The following UBR2 variants were observed in gnomAD, a reference collection of about 807,000 sequenced individuals.
UBR2 encodes the protein ubiquitin protein ligase E3 component n-recognin 2, also known as E3 ubiquitin-protein ligase UBR2.
A neutral mutation model predicts 247.9 loss-of-function variants in UBR2; 92 were observed. The ratio of observed to expected loss-of-function variants is 0.37; its 90% CI spans 0.31 to 0.44. The LOEUF (loss-of-function observed/expected upper bound fraction) is 0.44. Among genes scored for constraint, UBR2 ranks in the 20% least tolerant of loss-of-function variants. The pLI, the probability that UBR2 is intolerant of heterozygous loss-of-function variation, is 1.00. For synonymous variants in UBR2, 672 were observed against 693.5 expected (o/e 0.97, Z 0.49); for missense variants, 1,613 against 2,112.6 (o/e 0.76, Z 4.64).
chr6:42,632,844 G>A lies in UBR2; in HGVS notation c.1485G>A (p.Glu495=). 4 of 1,606,768 alleles carry A rather than the reference G, an allele frequency of 2.5e-6. No individual in the cohort carries two copies. The highest frequency in any genetic ancestry group is 3.4e-6 in the Non-Finnish European group (4 of 1,178,084). The change falls in exon 13 of 47, where the codon GAG becomes GAA. Residue 495 remains glutamate (E), a synonymous_variant. Coordinates refer to ENST00000372901, the MANE Select transcript of UBR2 (RefSeq NM_001363705.2). ...GCAAACCAACTGAATGGTCAGATGA[G>A]CTGAGGCAGAAGTTCCTAGAAGGGT... ...LISKPTEWSD[E]LRQKFLEGFD... is the part of the protein sequence containing the mutation.
intron 11 of UBR2, among the ~76,000 whole-genome samples, chr6:42,630,655 GCCT>G (rs1400451737): frequency 1.3e-5 from 2 of 152,078 alleles, no homozygotes; most frequent in Admixed American, 1.3e-4. Context: ...TCCTCTTACT[GCCT>G]GCTTTAAGTC....
chr6:42,666,117 A>G lies in UBR2; in HGVS notation c.3803-50A>G, dbSNP rs751731384. The G allele has an allele frequency of 3.4e-6, 5 of 1,491,652 alleles. No homozygotes were observed. In the South Asian group the frequency reaches 6.2e-5, roughly 18 times the overall value. 92.4% of individuals were successfully genotyped at this position (1,491,652 alleles called of 1,614,324 possible). A position where few individuals can be genotyped will look rare whatever the true frequency, so the allele number is the denominator to read the frequency against. On this transcript the variant is annotated intron_variant, in intron 33 of 46. Transcript: ENST00000372901. Reference sequence around the variant, plus strand: ...CTTTGACCTATATGGCTGTACTTTTAGGAATATTGTCATCTATTGAATAAT... The same window carrying G: ...CTTTGACCTATATGGCTGTACTTTTGGGAATATTGTCATCTATTGAATAAT...
At chr6:42,641,541 G>GTT in intron 16 of UBR2, 41 bp from the exon 17 acceptor site, 1 of 1,483,054 alleles carries the variant, frequency 6.7e-7, no homozygotes, top group Non-Finnish European at 9.2e-7. Flanking sequence ...TTATGTGTGT[G>GTT]TTTTTTTTGT....
At chr6:42,616,231 C>A (rs1207953756) in intron 10 of UBR2, 141 bp downstream of exon 10, 6 of 554,124 alleles carry the variant, frequency 1.1e-5, no homozygotes, top group Non-Finnish European at 1.8e-5. Context: ...CATAAATAAT[C>A]TTTTCATTCT....
chr6:42,606,749 G>A, intron 7 of UBR2, 98 bp downstream of exon 7: 1 of 984,078 alleles, frequency 1.0e-6, no homozygotes, highest in African/African-American at 1.7e-5. Context: ...TTTCTCAAAT[G>A]AAAACCAAAA....
At position 42,683,093 on chromosome 6, in the gene UBR2, G is replaced by A. The variant is rs761438122; in HGVS notation, c.4757G>A (p.Gly1586Asp). The A allele has an allele frequency of 6.2e-7, 1 of 1,612,700 alleles. No homozygotes were observed. Among genetic ancestry groups the A allele is most frequent in the Non-Finnish European group, 8.5e-7 (1 of 1,179,474 alleles). The change falls in exon 43 of 47, where the codon GGT becomes GAT. Residue 1586 changes from glycine (G) to aspartate (D), a missense_variant. Around this residue, in one of 3 missense-constraint regions of UBR2, gnomAD observed 1,524 missense variants for 1,967.3 expected, o/e 0.77. Coordinates refer to ENST00000372901, the MANE Select transcript of UBR2 (RefSeq NM_001363705.2). The stretch of plus-strand genomic sequence containing the variant: ...AGTGAAGTTAAAAGATATCTAGAAG[G>A]TGAAAGAGATGCTATAAGGTAAGTT... ...RNSEVKRYLEGERDAIRYPRE... is the reference protein window; with the variant it reads ...RNSEVKRYLEDERDAIRYPRE...
In UBR2 at chr6:42,683,040, CT is replaced by C; in HGVS notation, c.4719-14del. ...AAAAGTGTTTTGTGTTTTTCCCCCT[CT>C]GTTTACATTAAAGTTGGTGCCGTAA... is the stretch of plus-strand genomic sequence containing the variant. On this transcript the variant is annotated splice_polypyrimidine_tract_variant and intron_variant, in intron 42 of 46. Transcript: ENST00000372901. 3 of 1,609,574 alleles carry C rather than the reference CT, an allele frequency of 1.9e-6. No homozygotes were observed. Among genetic ancestry groups the C allele is most frequent in the Non-Finnish European group, 2.5e-6 (3 of 1,178,220 alleles).
intron 26 of UBR2, among the ~76,000 whole-genome samples, chr6:42,655,975 TAAAAA>T (rs995934105): frequency 6.6e-6 from 1 of 151,308 alleles, no homozygotes; most frequent in African/African-American, 2.4e-5. Context: ...GTATTGAAAA[TAAAAA>T]AAAATTATAG....
Position 42,610,560 on chromosome 6 carries a change from T to C in UBR2, c.865-1611T>C, listed in dbSNP as rs114471240. Among the ~76,000 whole-genome samples, 1,236 of 152,308 alleles carry C rather than the reference T, an allele frequency of 8.1e-3. 13 individuals carry two copies. Among genetic ancestry groups the C allele is most frequent in the African/African-American group, 0.029 (1,199 of 41,556 alleles). On this transcript the variant is annotated intron_variant, in intron 7 of 46. Transcript: ENST00000372901. ...ACATGAATGGATCTTGAGAACATTA[T>C]GCTAAGTGAAATAAGCCGGTAACAA...
chr6:42,601,555 G>A (rs1793357655), intron 4 of UBR2, among the ~76,000 whole-genome samples: 1 of 151,896 alleles, frequency 6.6e-6, no homozygotes, highest in African/African-American at 2.4e-5. Context: ...AGGCATGGTG[G>A]CACATGCCTG....
intron 11 of UBR2, among the ~76,000 whole-genome samples, chr6:42,624,401 C>T (rs1335690901): frequency 6.6e-6 from 1 of 151,846 alleles, no homozygotes; most frequent in East Asian, 1.9e-4. Context: ...GATCCTTCCA[C>T]CTCGGCCTAC....
rs1562412900 is a variant in UBR2 at position 42,691,194 on chromosome 6, A to G, written c.*21A>G. ...TATAATTATTGCACCACCAAAAAAC[A>G]CAAACTTGGATTTTTTTAACCCAGT... On this transcript the variant is annotated 3_prime_UTR_variant, in exon 47 of 47. Coordinates refer to ENST00000372901, the MANE Select transcript of UBR2 (RefSeq NM_001363705.2). The G allele has an allele frequency of 6.2e-7, 1 of 1,607,240 alleles. No individual in the cohort carries two copies. The highest frequency in any genetic ancestry group is 1.7e-5 in the Admixed American group (1 of 57,540).
intron 6 of UBR2, 124 bp from the exon 7 acceptor site, chr6:42,606,465 G>A (rs1031239376): frequency 1.3e-6 from 1 of 799,668 alleles, no homozygotes; most frequent in East Asian, 3.0e-5. Context: ...TGAGTAGGAT[G>A]AGCATTGTAA....
chr6:42,607,176 CT>C (rs55637503), intron 7 of UBR2, among the ~76,000 whole-genome samples: 30,912 of 143,810 alleles, frequency 0.21, 3,204 homozygotes, highest in African/African-American at 0.24. Flanking sequence ...ATAATTTTAT[CT>C]TTTTTTTTTT....
intron 40 of UBR2, 50 bp from the exon 41 acceptor site, chr6:42,678,489 A>G: frequency 1.9e-6 from 3 of 1,581,902 alleles, no homozygotes; most frequent in Non-Finnish European, 2.6e-6. Context: ...CTATAAGTAC[A>G]GTGACCTTTT....
At chr6:42,636,459 G>A (rs148595479) in intron 14 of UBR2, among the ~76,000 whole-genome samples, 2 of 152,160 alleles carry the variant, frequency 1.3e-5, no homozygotes, top group Non-Finnish European at 1.5e-5. Flanking sequence ...AATTACCAGC[G>A]TGAGCCACCA....
At chr6:42,646,037 T>TTAATGACG (rs1410554776) in intron 21 of UBR2, among the ~76,000 whole-genome samples, 2 of 152,198 alleles carry the variant, frequency 1.3e-5, no homozygotes, top group African/African-American at 2.4e-5. Flanking sequence ...GAGAGTCTTC[T>TTAATGACG]TAATGACGAG....
At chr6:42,674,084 G>T in intron 37 of UBR2, 42 bp from the exon 38 acceptor site, 1 of 1,555,330 alleles carries the variant, frequency 6.4e-7, no homozygotes, top group South Asian at 1.1e-5. Flanking sequence ...TTAACATGTT[G>T]GCATATGAAA....
intron 11 of UBR2, among the ~76,000 whole-genome samples, chr6:42,630,039 GACAGGAGCC>G (rs1795605658): frequency 6.6e-6 from 1 of 151,906 alleles, no homozygotes; most frequent in African/African-American, 2.4e-5. Context: ...TGGAACTATA[GACAGGAGCC>G]ACTGTGGCCA....
Sources: gnomAD v4.1 joint callset for allele counts (sites outside exome capture counted in the v4.1 genomes callset) on GRCh38, gnomAD v4.1.1 for gene constraint, gnomAD v4.1.1 regional missense constraint, MANE v1.5 for transcripts, NCBI Gene and HGNC (gene_info 2026-07-23, HGNC 2026-07-21) for gene names.